The following MYOT variants were observed in gnomAD, a reference collection of about 807,000 sequenced individuals.
The protein encoded by MYOT is 57 kDa cytoskeletal protein.
A neutral mutation model predicts 58.0 loss-of-function variants in MYOT; 36 were observed. That is an observed-to-expected ratio of 0.62 (90% CI 0.48 to 0.82). The LOEUF (loss-of-function observed/expected upper bound fraction) is 0.82. MYOT is among the 40% of genes least tolerant of loss of function. The pLI, the probability that MYOT is intolerant of heterozygous loss-of-function variation, is 0.00. For missense variants in MYOT, 505 were observed against 592.1 expected (o/e 0.85, Z 1.53); for synonymous variants, 218 against 204.6 (o/e 1.07, Z -0.56).
rs187830206 is a variant in MYOT, at chr5:137,885,909, T to C, written c.1025-139T>C. ...TGGTATAACAAAATAGTACTGCATGTCTTTTTTACTGAGTTTCTTTCTGTT... is the reference window on the plus strand; with the variant it reads ...TGGTATAACAAAATAGTACTGCATGCCTTTTTTACTGAGTTTCTTTCTGTT... On this transcript the variant is annotated intron_variant, in intron 7 of 9. Coordinates refer to ENST00000239926, the MANE Select transcript of MYOT (RefSeq NM_006790.3). 1.1e-3 allele frequency: 647 copies of C among 586,346 alleles called. 1 individual carries two copies. Among genetic ancestry groups the C allele is most frequent in the Admixed American group, 3.1e-3 (101 of 32,950 alleles). The allele number at this position is 586,346 out of a possible 1,614,324, so 36.3% of individuals were successfully genotyped here.
chr5:137,876,759 G>A (rs1267085784), intron 3 of MYOT, among the ~76,000 whole-genome samples: 1 of 152,112 alleles, frequency 6.6e-6, no homozygotes, highest in Non-Finnish European at 1.5e-5. Context: ...AGCCAAGATC[G>A]TGCCACTGCA....
intron 9 of MYOT, 91 bp downstream of exon 9, chr5:137,887,088 G>C: frequency 6.4e-7 from 1 of 1,554,632 alleles, no homozygotes; most frequent in Admixed American, 1.7e-5. Flanking sequence ...TAAAATTTGA[G>C]ATATTTTCCC....
In MYOT at chr5:137,875,972, G is replaced by A. The variant is rs774223302; in HGVS notation, c.500G>A (p.Cys167Tyr). 4.3e-6 allele frequency: 7 copies of A among 1,614,018 alleles called. No homozygotes were observed. The highest frequency in any genetic ancestry group is 1.7e-5 in the Admixed American group (1 of 60,014). ...LIQDLERKLK[C>Y]KDTLLHNGNQ... ...CAAGATTTGGAAAGAAAGCTGAAAT[G>A]CAAGGACACCCTTCTTCATAATGGA... Residue 167 changes from cysteine to tyrosine, a missense_variant, in exon 3 of 10, where the codon TGC becomes TAC. By Grantham distance (194) the Cys-to-Tyr change is radical. Transcript: ENST00000239926.
intron 4 of MYOT, 70 bp downstream of exon 4, chr5:137,877,691 C>T: frequency 9.1e-7 from 1 of 1,099,090 alleles, no homozygotes; most frequent in East Asian, 2.4e-5. Flanking sequence ...TTTCTAAATG[C>T]TTATAAATAG....
At position 137,877,595 on chromosome 5, in the gene MYOT, G is replaced by T. The variant is rs752162494; in HGVS notation, c.607G>T (p.Asp203Tyr). The change falls in exon 4 of 10, where the codon GAT (aspartate) becomes TAT (tyrosine). Residue 203 changes from aspartate (D) to tyrosine (Y), a missense_variant. Physicochemically the swap from Asp to Tyr is radical, Grantham distance 160. Transcript: ENST00000239926. ...QNAAAVFQAQ[D>Y]DSGAQDSQQH... ...TGCAGCTGCTGTGTTTCAAGCTCAG[G>T]ATGACAGTGGTGCACAAGACTCGCA... 1.2e-6 allele frequency: 2 copies of T among 1,613,698 alleles called. No homozygotes were observed. Among genetic ancestry groups the T allele is most frequent in the Non-Finnish European group, 1.7e-6 (2 of 1,179,678 alleles).
At position 137,876,758 on chromosome 5, in the gene MYOT, C is replaced by T. The variant is rs541067704; in HGVS notation, c.531+755C>T. On this transcript the variant is annotated intron_variant, in intron 3 of 9. Coordinates refer to ENST00000239926, the MANE Select transcript of MYOT (RefSeq NM_006790.3). ...GGCGTAGGTCGCCATGAGCCAAGAT[C>T]GTGCCACTGCACTCCAGCCTGGGCG... Among the ~76,000 whole-genome samples the T allele has an allele frequency of 9.2e-5, 14 of 152,104 alleles. No homozygotes were observed. In the East Asian group the frequency reaches 2.3e-3, roughly 25 times the overall value.
At chr5:137,886,829 C>A in intron 8 of MYOT, 35 bp from the exon 9 acceptor site, 1 of 1,425,228 alleles carries the variant, frequency 7.0e-7, no homozygotes, top group South Asian at 1.2e-5. Context: ...AGAAATAATT[C>A]CTGTACTTTC....
intron 1 of MYOT, among the ~76,000 whole-genome samples, chr5:137,870,067 T>C (rs370531046): frequency 1.5e-4 from 22 of 150,520 alleles, no homozygotes; most frequent in East Asian, 3.9e-4. Flanking sequence ...GGCGGGAGGA[T>C]TGCTTGCAGC....
Position 137,887,297 on chromosome 5 carries a change from G to T in MYOT, c.1409G>T (p.Gly470Val). ...AAATATTTAGCACTTAATGGGAAAG[G>T]TTTGAATGTAAAACAAGCTTTTAAC... Reference protein sequence around the residue: ...FSKYLALNGKGLNVKQAFNPE... With the variant: ...FSKYLALNGKVLNVKQAFNPE... Residue 470 changes from glycine to valine, a missense_variant, in exon 10 of 10, where the codon GGT becomes GTT. Physicochemically the swap from Gly to Val is moderately radical, Grantham distance 109 (BLOSUM62 -3). Transcript: ENST00000239926. The T allele has an allele frequency of 1.2e-6, 2 of 1,614,042 alleles. No individual in the cohort carries two copies. The highest frequency in any genetic ancestry group is 1.7e-6 in the Non-Finnish European group (2 of 1,179,976).
chr5:137,880,739 C>T, intron 4 of MYOT, 77 bp from the exon 5 acceptor site: 1 of 1,203,104 alleles, frequency 8.3e-7, no homozygotes, highest in Non-Finnish European at 1.2e-6. Flanking sequence ...ATGTTCCTTT[C>T]AACTGTAACT....
intron 8 of MYOT, 40 bp from the exon 9 acceptor site, chr5:137,886,824 T>C: frequency 7.0e-7 from 1 of 1,421,680 alleles, no homozygotes; most frequent in Non-Finnish European, 9.9e-7. Context: ...TTCACAGAAA[T>C]AATTCCTGTA....
intron 1 of MYOT, 114 bp from the exon 2 acceptor site, chr5:137,870,327 A>ACACACACAC (rs1561657135): frequency 3.2e-5 from 13 of 412,518 alleles, no homozygotes; most frequent in South Asian, 4.3e-5. Context: ...ACACACACAC[A>ACACACACAC]AAAGGAAGGA....
rs767662244 is a variant in MYOT at position 137,870,734 on chromosome 5, C to A, written c.83C>A (p.Thr28Asn). Residue 28 changes from threonine to asparagine, a missense_variant, in exon 2 of 10, where the codon ACC becomes AAC. By Grantham distance (65) the Thr-to-Asn change is moderately conservative. Transcript: ENST00000239926. ...AGATTGCAGCCTCCTGGACCAGAAA[C>A]CTCCAGCTTCTCTAGCCAGACCAAA... is the stretch of plus-strand genomic sequence containing the variant. ...GSRLQPPGPE[T>N]SSFSSQTKQS... 1 of 1,614,224 alleles carries A rather than the reference C, an allele frequency of 6.2e-7. No homozygotes were observed. Among genetic ancestry groups the A allele is most frequent in the South Asian group, 1.1e-5 (1 of 91,086 alleles).
intron 3 of MYOT, among the ~76,000 whole-genome samples, 147 bp from the exon 4 acceptor site, chr5:137,877,367 CAAAAAA>C (rs1172576383): frequency 4.7e-5 from 2 of 42,116 alleles, no homozygotes; most frequent in East Asian, 6.1e-4. Context: ...GACTCCGTCT[CAAAAAA>C]AAAAAAAAAA....
Position 137,880,835 on chromosome 5 carries a change from C to G in MYOT, c.653C>G (p.Ala218Gly), listed in dbSNP as rs533510304. 6.2e-7 allele frequency: 1 copy of G among 1,611,930 alleles called. No individual in the cohort carries two copies. The highest frequency in any genetic ancestry group is 8.5e-7 in the Non-Finnish European group (1 of 1,178,328). Reference protein sequence around the residue: ...QDSQQHNSEHARLQVPTSQVR... With the variant: ...QDSQQHNSEHGRLQVPTSQVR... ...TTCAAGCAACACAACTCAGAACATG[C>G]GCGACTGCAAGTTCCTACATCACAA... Residue 218 changes from alanine (A) to glycine (G), a missense_variant, in exon 5 of 10, where the codon GCG (alanine) becomes GGG (glycine). Ala to Gly is a moderately conservative substitution (Grantham distance 60). Transcript: ENST00000239926.
chr5:137,870,987 C>A lies in MYOT; in HGVS notation c.336C>A (p.Ile112=). Residue 112 remains isoleucine, a synonymous_variant, in exon 2 of 10, where the codon ATC becomes ATA. Coordinates refer to ENST00000239926, the MANE Select transcript of MYOT (RefSeq NM_006790.3). ...PSQPDYNSSK[I]PSAMDSNYQQ... is the part of the protein sequence containing the mutation. ...AGCCTGATTACAATAGCAGTAAAAT[C>A]CCTTCCGCTATGGATTCCAAGTAAG... 1 of 1,613,784 alleles carries A rather than the reference C, an allele frequency of 6.2e-7. No individual in the cohort carries two copies. Among genetic ancestry groups the A allele is most frequent in the Non-Finnish European group, 8.5e-7 (1 of 1,179,666 alleles).
chr5:137,886,305 C>A, intron 8 of MYOT, 92 bp downstream of exon 8: 1 of 846,576 alleles, frequency 1.2e-6, no homozygotes, highest in Non-Finnish European at 1.8e-6. Context: ...GCATTTATCT[C>A]AATTTGTCTA....
At chr5:137,868,233 T>C (rs1296260954) in intron 1 of MYOT, among the ~76,000 whole-genome samples, 1 of 152,216 alleles carries the variant, frequency 6.6e-6, no homozygotes, top group Non-Finnish European at 1.5e-5. Context: ...ATTGTGGTGA[T>C]GTCTTATGAA....
At chr5:137,877,449 G>T in intron 3 of MYOT, 71 bp from the exon 4 acceptor site, 1 of 902,676 alleles carries the variant, frequency 1.1e-6, no homozygotes, top group Non-Finnish European at 1.8e-6. Flanking sequence ...ACCTATAGTA[G>T]TGGTTTTAAG....
Sources: allele counts gnomAD v4.1 joint callset (sites outside exome capture counted in the v4.1 genomes callset), GRCh38; gene constraint gnomAD v4.1.1; transcripts MANE v1.5; gene names NCBI Gene and HGNC (gene_info 2026-07-23, HGNC 2026-07-21).